The following ZNF565 variants were observed in gnomAD, a reference collection of about 807,000 sequenced individuals.
ZNF565 encodes the protein zinc finger protein 565.
ZNF565 carries 27 observed loss-of-function variants against 39.4 expected under a neutral mutation model. That is an observed-to-expected ratio of 0.69 (90% CI 0.51 to 0.95). ZNF565 has a LOEUF of 0.95. ZNF565 is among the 40% of genes least tolerant of loss of function. The pLI is 0.00. For missense variants in ZNF565, 524 were observed against 621.1 expected, an observed-to-expected ratio of 0.84 and a Z score of 1.66; for synonymous variants, 185 against 216.6, an observed-to-expected ratio of 0.85 and a Z score of 1.28.
intron 1 of ZNF565, chr19:36,237,928 GC>G (rs1356791071): frequency 6.0e-6 from 1 of 166,952 alleles, no homozygotes; most frequent in African/African-American, 2.4e-5. Flanking sequence ...ATATGGAAAA[GC>G]TATGTACTAA....
intron 4 of ZNF565, among the ~76,000 whole-genome samples, chr19:36,188,082 C>T (rs973749506): frequency 2.0e-5 from 3 of 151,642 alleles, no homozygotes; most frequent in Non-Finnish European, 4.4e-5. Flanking sequence ...AGGGGCCAGG[C>T]GTAGTGGCTC....
intron 1 of ZNF565, chr19:36,228,567 C>A (rs1977184223): frequency 6.6e-6 from 1 of 152,162 alleles, no homozygotes; most frequent in Non-Finnish European, 1.5e-5. Context: ...AGTCCCTTTG[C>A]CCACATGATT....
intron 1 of ZNF565, chr19:36,213,372 A>C (rs1976440773): frequency 6.8e-6 from 1 of 146,858 alleles, no homozygotes; most frequent in Admixed American, 6.8e-5. Flanking sequence ...CCACACTCAG[A>C]TAATTTTTAA....
chr19:36,237,551 C>A, intron 1 of ZNF565: 1 of 370,822 alleles, frequency 2.7e-6, no homozygotes, highest in Non-Finnish European at 4.9e-6. Context: ...AAAGTTTAGG[C>A]ACATTTTCAC....
chr19:36,221,266 T>A (rs1976822422), intron 1 of ZNF565, among the ~76,000 whole-genome samples: 1 of 151,910 alleles, frequency 6.6e-6, no homozygotes, highest in Non-Finnish European at 1.5e-5. Context: ...CATTTGTTGT[T>A]TTCAGGTTAA....
At position 36,245,130 on chromosome 19, in the gene ZNF565, C is replaced by T. The variant is rs942450133; in HGVS notation, c.55+346G>A. 1.3e-5 allele frequency among the ~76,000 whole-genome samples: 2 copies of T among 152,230 alleles called. No homozygotes were observed. Among genetic ancestry groups the T allele is most frequent in the African/African-American group, 4.8e-5 (2 of 41,462 alleles). ...CCACAGCCTGAGACCCGGCGAGCCT[C>T]GCTGCCCTTGCGAGAGCCATGGATT... On this transcript the variant is annotated intron_variant, in intron 1 of 4. Coordinates refer to the ZNF565 transcript ENST00000355114. The surrounding 1 kb of genome is among the most constrained non-coding windows in gnomAD (Gnocchi z 4.4).
At chr19:36,189,785 G>A (rs553388675) in intron 4 of ZNF565, among the ~76,000 whole-genome samples, 7 of 152,020 alleles carry the variant, frequency 4.6e-5, no homozygotes, top group Non-Finnish European at 5.9e-5. Flanking sequence ...ATTTTAATAC[G>A]GAATTACAGT....
At chr19:36,212,685 A>C (rs1486449005) in intron 1 of ZNF565, among the ~76,000 whole-genome samples, 1 of 152,118 alleles carries the variant, frequency 6.6e-6, no homozygotes, top group African/African-American at 2.4e-5. Flanking sequence ...TAAATTCAAA[A>C]TGAAAAGTAA....
At chr19:36,188,172 C>T (rs905273222) in intron 4 of ZNF565, among the ~76,000 whole-genome samples, 7 of 148,422 alleles carry the variant, frequency 4.7e-5, no homozygotes, top group African/African-American at 7.4e-5. Flanking sequence ...CTGGCTAACA[C>T]GGTGAAACCC....
intron 1 of ZNF565, among the ~76,000 whole-genome samples, chr19:36,223,334 C>T (rs1304948842): frequency 6.9e-6 from 1 of 143,906 alleles, no homozygotes; most frequent in Non-Finnish European, 1.5e-5. Flanking sequence ...CAGAGTGAGA[C>T]TCCGTCTCAA....
At chr19:36,227,888 C>T (rs1977144679) in intron 1 of ZNF565, among the ~76,000 whole-genome samples, 1 of 152,136 alleles carries the variant, frequency 6.6e-6, no homozygotes, top group Non-Finnish European at 1.5e-5. Flanking sequence ...GGACACGGCA[C>T]GGTGGCTTAC....
At chr19:36,240,214 A>G (rs568644089) in intron 1 of ZNF565, among the ~76,000 whole-genome samples, 1 of 152,364 alleles carries the variant, frequency 6.6e-6, no homozygotes, top group African/African-American at 2.4e-5. Context: ...ATGTTAATAT[A>G]CAACTATTTG....
chr19:36,188,744 C>CA (rs1203292839), intron 4 of ZNF565, among the ~76,000 whole-genome samples: 1 of 147,696 alleles, frequency 6.8e-6, no homozygotes, highest in African/African-American at 2.5e-5. Flanking sequence ...ACAACAACAA[C>CA]AAAAAACAGA....
chr19:36,237,404 A>G (rs1267871935), intron 1 of ZNF565: 18 of 1,473,762 alleles, frequency 1.2e-5, no homozygotes, highest in Admixed American at 2.4e-5. Context: ...CTTCTGAAGC[A>G]AAGCACCACG....
At chr19:36,228,103 T>A (rs1050553384) in intron 1 of ZNF565, among the ~76,000 whole-genome samples, 1 of 140,956 alleles carries the variant, frequency 7.1e-6, no homozygotes, top group Non-Finnish European at 1.5e-5. Flanking sequence ...GTGGTTGCAG[T>A]GGGCTGAGAT....
chr19:36,188,885 T>C (rs1343005833), intron 4 of ZNF565, among the ~76,000 whole-genome samples: 1 of 152,170 alleles, frequency 6.6e-6, no homozygotes, highest in Non-Finnish European at 1.5e-5. Context: ...AGAGACATTC[T>C]ACAACTTGGA....
rs2029889710 is a variant in ZNF565, at chr19:36,245,417, G to GC, written c.55+58dup. 19 of 701,618 alleles carry GC rather than the reference G, an allele frequency of 2.7e-5. No homozygotes were observed. The South Asian group carries it at 2.8e-4, about 10-fold the overall frequency. The allele number at this position is 701,618 out of a possible 1,614,324, so 43.5% of individuals were successfully genotyped here. ...ACCCGGAAAGCTCCGCGCTTACGAC[G>GC]CCCACCCAGAAAATCCGGATCACAT... On this transcript the variant is annotated intron_variant, in intron 1 of 4. Transcript: ENST00000355114. This position sits in a 1 kb window ranked among gnomAD's most constrained non-coding sequence, Gnocchi z 4.4.
chr19:36,190,711 G>A (rs926265078), intron 4 of ZNF565, among the ~76,000 whole-genome samples: 1 of 151,450 alleles, frequency 6.6e-6, no homozygotes, highest in African/African-American at 2.4e-5. Flanking sequence ...GGCCAGGTGC[G>A]GTGGCTCATG....
chr19:36,221,479 G>A (rs1976835582), intron 1 of ZNF565, among the ~76,000 whole-genome samples: 1 of 151,702 alleles, frequency 6.6e-6, no homozygotes, highest in Admixed American at 6.6e-5. Flanking sequence ...TAGTAGAGAC[G>A]AGGTTTCACC....
Sources: gnomAD v4.1 joint callset for allele counts (sites outside exome capture counted in the v4.1 genomes callset) on GRCh38, gnomAD v4.1.1 for gene constraint, Gnocchi (gnomAD v3.1) non-coding constraint, MANE v1.5 for transcripts, NCBI Gene and HGNC (gene_info 2026-07-23, HGNC 2026-07-21) for gene names.